Variants in NDST4 observed in about 807,000 individuals in gnomAD.
The protein encoded by NDST4 is N-heparan sulfate sulfotransferase 4.
NDST4 carries 63 observed loss-of-function variants against 100.8 expected under a neutral mutation model. That is an observed-to-expected ratio of 0.62 (90% CI 0.51 to 0.77). The LOEUF is 0.77. NDST4 is among the 30% of genes least tolerant of loss of function. NDST4 has a pLI of 0.00. For synonymous variants in NDST4, 377 were observed against 361.8 expected (o/e 1.04, Z -0.48); for missense variants, 943 against 1,018.4 (o/e 0.93, Z 1.01).
intron 6 of NDST4, among the ~76,000 whole-genome samples, chr4:114,885,329 G>A (rs1192912274): frequency 1.3e-5 from 2 of 152,084 alleles, no homozygotes; most frequent in Non-Finnish European, 2.9e-5. Context: ...ATTATAGTCT[G>A]CTATTATAGA....
chr4:114,975,000 C>T (rs1726597988), intron 3 of NDST4, among the ~76,000 whole-genome samples: 1 of 152,084 alleles, frequency 6.6e-6, no homozygotes, highest in Non-Finnish European at 1.5e-5. Flanking sequence ...CTCATGGTTA[C>T]ACATCACAGC....
In NDST4 at chr4:114,873,331, A is replaced by G. The variant is rs187746021; in HGVS notation, c.1537-2381T>C. 3.3e-3 allele frequency among the ~76,000 whole-genome samples: 499 copies of G among 151,880 alleles called. 2 individuals carry two copies. The highest frequency in any genetic ancestry group is 5.7e-3 in the Non-Finnish European group (386 of 67,818). On this transcript the variant is annotated intron_variant, in intron 6 of 13. Coordinates refer to ENST00000264363, the MANE Select transcript of NDST4 (RefSeq NM_022569.3). ...TTAAGTTAAACCACTTAATCTCTTT[A>G]AAGTTAAACCTCTAAATATTAGTTG...
intron 8 of NDST4, among the ~76,000 whole-genome samples, chr4:114,849,896 G>C (rs1035706156): frequency 1.3e-5 from 2 of 151,996 alleles, no homozygotes; most frequent in African/African-American, 4.8e-5. Flanking sequence ...GAGGGACGAG[G>C]GGCATCCTCA....
chr4:114,970,495 G>T lies in NDST4; in HGVS notation c.1156C>A (p.Pro386Thr). ...WFPHMWSHMQ[P>T]HLFHNESSLV... ...GATGACTCGTTGTGGAAGAGGTGGG[G>T]CTGCATGTGGCTCCACATGTGAGGA... Residue 386 changes from proline (P) to threonine (T), a missense_variant, in exon 4 of 14, where the codon CCC becomes ACC. By Grantham distance (38) the Pro-to-Thr change is conservative. This residue lies in a region of NDST4 where 526 missense variants were observed against 634.1 expected (regional missense o/e 0.83). Coordinates refer to ENST00000264363, the MANE Select transcript of NDST4 (RefSeq NM_022569.3). The T allele has an allele frequency of 6.2e-7, 1 of 1,614,004 alleles. No individual in the cohort carries two copies. The highest frequency in any genetic ancestry group is 1.7e-4 in the Middle Eastern group (1 of 6,060).
intron 6 of NDST4, among the ~76,000 whole-genome samples, chr4:114,917,119 C>G (rs1034050868): frequency 6.6e-6 from 1 of 152,048 alleles, no homozygotes; most frequent in Non-Finnish European, 1.5e-5. Flanking sequence ...TGCATATCCT[C>G]CCATATATTT....
At chr4:114,993,757 A>C (rs1015204935) in intron 2 of NDST4, among the ~76,000 whole-genome samples, 1 of 152,036 alleles carries the variant, frequency 6.6e-6, no homozygotes, top group South Asian at 2.1e-4. Context: ...TTGTCCATAA[A>C]TTTAGCTCCT....
chr4:115,050,859 G>T (rs1728566703), intron 2 of NDST4, among the ~76,000 whole-genome samples: 1 of 152,068 alleles, frequency 6.6e-6, no homozygotes, highest in African/African-American at 2.4e-5. Flanking sequence ...TTTATATGTG[G>T]CTTGATGAAA....
intron 4 of NDST4, among the ~76,000 whole-genome samples, chr4:114,939,585 T>C (rs1725703924): frequency 6.7e-6 from 1 of 148,202 alleles, no homozygotes; most frequent in Non-Finnish European, 1.5e-5. Context: ...AAAAATAAAA[T>C]CAGCAAAAAG....
At chr4:115,086,471 T>C (rs964610927) in intron 1 of NDST4, among the ~76,000 whole-genome samples, 1 of 152,074 alleles carries the variant, frequency 6.6e-6, no homozygotes, top group Non-Finnish European at 1.5e-5. Context: ...TTCAGTGACA[T>C]AATATAAATT....
chr4:114,839,289 A>T, intron 11 of NDST4, 89 bp downstream of exon 11: 1 of 1,272,256 alleles, frequency 7.9e-7, no homozygotes, highest in African/African-American at 1.5e-5. Flanking sequence ...GATAAGCAGA[A>T]GAAAGTAATT....
intron 5 of NDST4, 71 bp from the exon 6 acceptor site, chr4:114,935,405 T>C: frequency 7.4e-7 from 1 of 1,350,466 alleles, no homozygotes; most frequent in Non-Finnish European, 9.7e-7. Flanking sequence ...TCTCATAACT[T>C]TAGAATCTGC....
intron 1 of NDST4, among the ~76,000 whole-genome samples, chr4:115,087,155 T>G (rs2126293381): frequency 6.6e-6 from 1 of 152,158 alleles, no homozygotes; most frequent in South Asian, 2.1e-4. Flanking sequence ...AGGACCTTAC[T>G]TAGGATGACT....
intron 2 of NDST4, among the ~76,000 whole-genome samples, chr4:115,013,536 A>G (rs1727607466): frequency 6.6e-6 from 1 of 151,722 alleles, no homozygotes; most frequent in South Asian, 2.1e-4. Flanking sequence ...GGGACTATAG[A>G]GACTGACTTT....
intron 2 of NDST4, among the ~76,000 whole-genome samples, chr4:115,069,245 C>G (rs1164300322): frequency 1.3e-5 from 2 of 151,922 alleles, no homozygotes; most frequent in Non-Finnish European, 2.9e-5. Context: ...ATATAGTGGG[C>G]AAGTCTAACA....
chr4:115,007,542 G>A (rs1727446768), intron 2 of NDST4, among the ~76,000 whole-genome samples: 1 of 152,062 alleles, frequency 6.6e-6, no homozygotes, highest in African/African-American at 2.4e-5. Context: ...TTTTTTGTTG[G>A]TTTGTTTAAG....
chr4:114,863,310 C>T (rs1376379502), intron 7 of NDST4, among the ~76,000 whole-genome samples: 1 of 152,144 alleles, frequency 6.6e-6, no homozygotes, highest in Non-Finnish European at 1.5e-5. Context: ...TTATTTAGGC[C>T]CTGCTGAAGG....
chr4:114,990,150 TC>T lies in NDST4; in HGVS notation c.979-12877del, dbSNP rs142450406. ...AATCAAGCAAAATAACTATCCTAAT[TC>T]TTTTAAAATTTAAGAAGCATAGTAG... On this transcript the variant is annotated intron_variant, in intron 2 of 13. Transcript: ENST00000264363. Among the ~76,000 whole-genome samples, 1,111 of 152,224 alleles carry T rather than the reference TC, an allele frequency of 7.3e-3. 9 individuals carry two copies. Among genetic ancestry groups the T allele is most frequent in the African/African-American group, 0.023 (973 of 41,546 alleles).
intron 4 of NDST4, among the ~76,000 whole-genome samples, chr4:114,963,008 C>T (rs1726297852): frequency 6.6e-6 from 1 of 152,156 alleles, no homozygotes; most frequent in African/African-American, 2.4e-5. Context: ...GGCTATTCAT[C>T]AAAATGTTAA....
intron 7 of NDST4, among the ~76,000 whole-genome samples, chr4:114,858,559 C>T (rs371107166): frequency 3.3e-5 from 5 of 152,154 alleles, no homozygotes; most frequent in African/African-American, 7.2e-5. Flanking sequence ...ATATAGTGTA[C>T]GCATTAAATC....
Sources: gnomAD v4.1 joint callset for allele counts (sites outside exome capture counted in the v4.1 genomes callset) on GRCh38, gnomAD v4.1.1 for gene constraint, gnomAD v4.1.1 regional missense constraint, MANE v1.5 for transcripts, NCBI Gene and HGNC (gene_info 2026-07-23, HGNC 2026-07-21) for gene names.